The following NAALADL2 variants were observed in gnomAD, a reference collection of about 807,000 sequenced individuals.
NAALADL2 encodes the protein inactive N-acetylated-alpha-linked acidic dipeptidase-like protein 2.
Under a neutral mutation model 87.2 loss-of-function variants are expected in NAALADL2, and 76 were observed. The ratio of observed to expected loss-of-function variants is 0.87; its 90% confidence interval spans 0.72 to 1.05. The LOEUF (loss-of-function observed/expected upper bound fraction) is 1.05. Ranked by LOEUF, NAALADL2 falls within the 50% of genes least tolerant of loss-of-function variation. The pLI, the probability that NAALADL2 is intolerant of heterozygous loss-of-function variation, is 0.00. For synonymous variants in NAALADL2, 354 were observed against 331.0 expected, an observed-to-expected ratio of 1.07 and a Z score of -0.75; for missense variants, 1,089 against 945.8, an observed-to-expected ratio of 1.15 and a Z score of -1.99.
rs918416351 is a variant in NAALADL2 at position 175,256,295 on chromosome 3, T to A, written c.820-116T>A. 7.3e-6 allele frequency: 7 copies of A among 964,362 alleles called. No homozygotes were observed. In the South Asian group the frequency reaches 1.4e-4, roughly 19 times the overall value. 59.7% of individuals were successfully genotyped at this position (964,362 alleles called of 1,614,324 possible). Reference sequence around the variant, plus strand: ...ATTGGGACAGGGTAAGAGATAGAATTAATTCTATATTGAACATTTCAAATT... The same window carrying A: ...ATTGGGACAGGGTAAGAGATAGAATAAATTCTATATTGAACATTTCAAATT... On this transcript the variant is annotated intron_variant, in intron 3 of 13. Coordinates refer to ENST00000454872, the MANE Select transcript of NAALADL2 (RefSeq NM_207015.3).
In NAALADL2 at chr3:175,282,321, C is replaced by G. The variant is rs140386684; in HGVS notation, c.939+25791C>G. The stretch of plus-strand genomic sequence containing the variant: ...TGTTCTGTTACTTGATAAAGCTGGT[C>G]AGAGAAAATTTTCAATTCTTTGTCT... On this transcript the variant is annotated intron_variant, in intron 4 of 13. Coordinates refer to ENST00000454872, the MANE Select transcript of NAALADL2 (RefSeq NM_207015.3). Among the ~76,000 whole-genome samples the G allele has an allele frequency of 1.8e-3, 275 of 152,068 alleles. 1 individual carries two copies. The highest frequency in any genetic ancestry group is 6.1e-3 in the African/African-American group (255 of 41,510).
At chr3:174,466,374 C>T (rs553702793) in intron 1 of NAALADL2, among the ~76,000 whole-genome samples, 3 of 150,832 alleles carry the variant, frequency 2.0e-5, no homozygotes, top group Non-Finnish European at 4.4e-5. Context: ...CCAGGGAAGC[C>T]AAAAGATTGG....
At chr3:175,650,674 T>A (rs1730648073) in intron 11 of NAALADL2, among the ~76,000 whole-genome samples, 1 of 152,194 alleles carries the variant, frequency 6.6e-6, no homozygotes, top group Non-Finnish European at 1.5e-5. Context: ...CTATAACTCC[T>A]GCTTTAAGGG....
intron 11 of NAALADL2, among the ~76,000 whole-genome samples, chr3:175,678,026 G>T (rs1222036537): frequency 6.6e-6 from 1 of 152,138 alleles, no homozygotes; most frequent in Non-Finnish European, 1.5e-5. Context: ...AGATTCAAAG[G>T]GTTAGGCAGA....
At chr3:175,567,487 C>T (rs765120130) in intron 9 of NAALADL2, among the ~76,000 whole-genome samples, 5 of 151,476 alleles carry the variant, frequency 3.3e-5, no homozygotes, top group East Asian at 1.9e-4. Context: ...TTTCTATACC[C>T]GATAACAAGA....
chr3:175,309,007 A>G (rs1226882590), intron 4 of NAALADL2, among the ~76,000 whole-genome samples: 3 of 152,124 alleles, frequency 2.0e-5, no homozygotes, highest in Non-Finnish European at 4.4e-5. Context: ...AATATCCCTT[A>G]GCTGTTTGTA....
At position 175,304,572 on chromosome 3, in the gene NAALADL2, C is replaced by T. The variant is rs563553363; in HGVS notation, c.940-19603C>T. ...TAAAGGCCTTTCCTGTGGCAGTCTC[C>T]TCTTTTGTTTCCCCATGAAGCCGGT... is the stretch of plus-strand genomic sequence containing the variant. On this transcript the variant is annotated intron_variant, in intron 4 of 13. Coordinates refer to ENST00000454872, the MANE Select transcript of NAALADL2 (RefSeq NM_207015.3). Among the ~76,000 whole-genome samples the T allele has an allele frequency of 5.9e-5, 9 of 152,214 alleles. No individual in the cohort carries two copies. The South Asian group carries it at 1.7e-3, about 28-fold the overall frequency.
At chr3:174,507,539 C>G (rs1473501819) in intron 1 of NAALADL2, among the ~76,000 whole-genome samples, 1 of 151,956 alleles carries the variant, frequency 6.6e-6, no homozygotes, top group African/African-American at 2.4e-5. Context: ...ATTTCCTTCT[C>G]CACAATTTTT....
intron 5 of NAALADL2, among the ~76,000 whole-genome samples, chr3:175,343,655 G>GTTTTTTTTTTTTATTTTTTTTTTTTTTTT (rs1762802173): frequency 1.5e-5 from 1 of 64,726 alleles, no homozygotes; most frequent in Non-Finnish European, 3.3e-5. Context: ...TCTTGATCAT[G>GTTTTTTTTTTTTATTTTTTTTTTTTTTTT]TTTTTTTTTT....
chr3:174,843,067 A>G (rs938553897), intron 3 of NAALADL2, among the ~76,000 whole-genome samples: 2 of 152,140 alleles, frequency 1.3e-5, no homozygotes, highest in Admixed American at 6.6e-5. Flanking sequence ...GGTATTTAGC[A>G]TATCTATCGC....
intron 2 of NAALADL2, among the ~76,000 whole-genome samples, chr3:175,178,788 A>G (rs539178264): frequency 6.6e-6 from 1 of 152,124 alleles, no homozygotes; most frequent in Admixed American, 6.6e-5. Flanking sequence ...GAAATCTTTA[A>G]GCTATAGAAG....
chr3:175,332,243 A>G (rs959116369), intron 5 of NAALADL2, among the ~76,000 whole-genome samples: 2 of 152,250 alleles, frequency 1.3e-5, no homozygotes, highest in African/African-American at 4.8e-5. Context: ...GAAGGGAACC[A>G]TAAAAGAGCC....
chr3:174,490,695 G>A (rs547719632), intron 1 of NAALADL2, among the ~76,000 whole-genome samples: 2 of 152,184 alleles, frequency 1.3e-5, no homozygotes, highest in South Asian at 4.2e-4. Context: ...ATGGAATGAA[G>A]TAAACAAGTA....
At chr3:175,342,686 A>C (rs1762690274) in intron 5 of NAALADL2, among the ~76,000 whole-genome samples, 1 of 152,136 alleles carries the variant, frequency 6.6e-6, no homozygotes, top group Admixed American at 6.6e-5. Context: ...CAATGACTAA[A>C]AAATAGCAAT....
intron 2 of NAALADL2, among the ~76,000 whole-genome samples, chr3:175,190,094 A>C (rs1393800044): frequency 2.0e-5 from 3 of 152,090 alleles, no homozygotes; most frequent in African/African-American, 7.2e-5. Context: ...ATCTGAAACC[A>C]TCAAACTCCT....
rs1377622790 is a variant in NAALADL2, at chr3:175,772,991, GTTATTGTTCTTTT to G, written c.2189+17574_2189+17586del. Among the ~76,000 whole-genome samples, 8 of 152,242 alleles carry G rather than the reference GTTATTGTTCTTTT, an allele frequency of 5.3e-5. No homozygotes were observed. The Middle Eastern group carries it at 0.01, about 194-fold the overall frequency. ...AGAAATCGAGGAGTAAAAGGTTTGT[GTTATTGTTCTTTT>G]CAGCTGGGGTAGGATTTAGGCATGT... On this transcript the variant is annotated intron_variant, in intron 13 of 13. Coordinates refer to ENST00000454872, the MANE Select transcript of NAALADL2 (RefSeq NM_207015.3).
At chr3:175,233,585 A>G (rs1229142825) in intron 2 of NAALADL2, among the ~76,000 whole-genome samples, 1 of 152,036 alleles carries the variant, frequency 6.6e-6, no homozygotes, top group Admixed American at 6.6e-5. Context: ...GGGACCACAG[A>G]TGCATACCAG....
At chr3:175,147,136 G>T (rs772772371) in intron 2 of NAALADL2, among the ~76,000 whole-genome samples, 1 of 152,108 alleles carries the variant, frequency 6.6e-6, no homozygotes, top group East Asian at 1.9e-4. Flanking sequence ...ACACATGCAG[G>T]TTTGTTACAT....
intron 2 of NAALADL2, among the ~76,000 whole-genome samples, chr3:175,186,883 T>C (rs1192350730): frequency 1.3e-5 from 2 of 152,074 alleles, no homozygotes; most frequent in African/African-American, 2.4e-5. Context: ...CCTGGTAGTT[T>C]TATTTCATGC....
Sources: allele counts gnomAD v4.1 joint callset (sites outside exome capture counted in the v4.1 genomes callset), GRCh38; gene constraint gnomAD v4.1.1; transcripts MANE v1.5; gene names NCBI Gene and HGNC (gene_info 2026-07-23, HGNC 2026-07-21).